ANKS1B: variants seen among roughly 807,000 people sequenced by gnomAD.
The protein encoded by ANKS1B is ankyrin repeat and sterile alpha motif domain-containing protein 1B.
In ANKS1B, 36 loss-of-function variants were observed where a neutral mutation model predicts 148.3. That is an observed-to-expected ratio of 0.24 (90% confidence interval 0.19 to 0.32). The LOEUF is 0.32. Ranked by LOEUF, ANKS1B falls within the 10% of genes least tolerant of loss-of-function variation. ANKS1B has a pLI of 1.00. For missense variants in ANKS1B, 1,157 were observed against 1,542.6 expected (o/e 0.75, Z 4.19); for synonymous variants, 542 against 560.8 (o/e 0.97, Z 0.47).
chr12:99,013,244 A>G (rs2099940500), intron 17 of ANKS1B, among the ~76,000 whole-genome samples: 1 of 152,244 alleles, frequency 6.6e-6, no homozygotes, highest in South Asian at 2.1e-4. Context: ...GAGTAGATAT[A>G]AACAATAATC....
chr12:98,784,249 G>A (rs895147877), intron 22 of ANKS1B, among the ~76,000 whole-genome samples: 2 of 152,218 alleles, frequency 1.3e-5, no homozygotes, highest in Non-Finnish European at 2.9e-5. Flanking sequence ...GAGTGGACAA[G>A]GTGGTTTAAG....
In ANKS1B at chr12:98,843,962, C is replaced by T. The variant is rs186630071; in HGVS notation, c.2779-11826G>A. ...ATATGAGAAGAGGAAATGTTGAAGA[C>T]GGGGGATCAGGGAGGGGAGCATTTG... On this transcript the variant is annotated intron_variant, in intron 17 of 26. Coordinates refer to ENST00000683438, the MANE Select transcript of ANKS1B (RefSeq NM_001352186.2). 4.6e-4 allele frequency among the ~76,000 whole-genome samples: 70 copies of T among 152,160 alleles called. 1 individual carries two copies. Among genetic ancestry groups the T allele is most frequent in the African/African-American group, 1.1e-3 (47 of 41,520 alleles).
intron 1 of ANKS1B, among the ~76,000 whole-genome samples, chr12:99,833,356 T>C (rs1358767413): frequency 2.0e-5 from 3 of 151,958 alleles, no homozygotes; most frequent in Non-Finnish European, 4.4e-5. Flanking sequence ...GTAAACAGAG[T>C]GAGAGTCAGG....
chr12:98,902,813 C>T (rs2099773915), intron 17 of ANKS1B, among the ~76,000 whole-genome samples: 1 of 152,204 alleles, frequency 6.6e-6, no homozygotes, highest in Non-Finnish European at 1.5e-5. Context: ...ATCAAGTTCA[C>T]CCTAGTACAA....
chr12:99,757,528 G>A (rs997368727), intron 8 of ANKS1B, among the ~76,000 whole-genome samples: 8 of 151,982 alleles, frequency 5.3e-5, no homozygotes, highest in South Asian at 2.1e-4. Flanking sequence ...AAGACAGTAC[G>A]GTGATTCCTC....
chr12:99,429,815 T>A (rs1594659293), intron 11 of ANKS1B, among the ~76,000 whole-genome samples: 1 of 151,418 alleles, frequency 6.6e-6, no homozygotes, highest in East Asian at 1.9e-4. Context: ...ATACAAAAAA[T>A]TAGCCGGGCG....
chr12:99,271,693 T>TATATATATATATATATATATATATATA (rs1566781275), intron 12 of ANKS1B, among the ~76,000 whole-genome samples: 1 of 143,482 alleles, frequency 7.0e-6, no homozygotes, highest in Non-Finnish European at 1.5e-5. Context: ...TATATATATA[T>TATATATATATATATATATATATATATA]TTACTAAATG....
chr12:98,863,238 CT>C (rs1249113336), intron 17 of ANKS1B, among the ~76,000 whole-genome samples: 1 of 152,150 alleles, frequency 6.6e-6, no homozygotes, highest in Non-Finnish European at 1.5e-5. Flanking sequence ...ACCATAATGA[CT>C]AATAAAGAGG....
At chr12:99,035,958 C>T (rs533099034) in intron 17 of ANKS1B, among the ~76,000 whole-genome samples, 16 of 152,302 alleles carry the variant, frequency 1.1e-4, no homozygotes, top group Admixed American at 9.8e-4. Flanking sequence ...AGGGCACATC[C>T]TGATGCAGAC....
intron 12 of ANKS1B, among the ~76,000 whole-genome samples, chr12:99,303,427 A>G (rs2081944657): frequency 6.6e-6 from 1 of 152,124 alleles, no homozygotes; most frequent in African/African-American, 2.4e-5. Flanking sequence ...TCTACTTAAA[A>G]CAAATATTTA....
chr12:99,670,439 T>G (rs2098531873), intron 8 of ANKS1B, among the ~76,000 whole-genome samples: 1 of 152,166 alleles, frequency 6.6e-6, no homozygotes, highest in African/African-American at 2.4e-5. Context: ...GTGCATAATT[T>G]CATTGCTACT....
chr12:98,969,117 G>A (rs889489221), intron 17 of ANKS1B, among the ~76,000 whole-genome samples: 4 of 152,308 alleles, frequency 2.6e-5, no homozygotes, highest in South Asian at 2.1e-4. Flanking sequence ...AGGAGCTGCC[G>A]CCTGGATGGG....
chr12:99,088,703 C>T (rs1320054463), intron 15 of ANKS1B, among the ~76,000 whole-genome samples: 19 of 152,072 alleles, frequency 1.2e-4, no homozygotes, highest in Admixed American at 1.2e-3. Context: ...AACTATCTAA[C>T]CATTTCTTTG....
chr12:99,300,848 A>G (rs76297835), intron 12 of ANKS1B, among the ~76,000 whole-genome samples: 2,538 of 152,282 alleles, frequency 0.017, 78 homozygotes, highest in African/African-American at 0.058. Flanking sequence ...AAAAAATTTA[A>G]AAGTGCTATT....
At chr12:99,840,111 A>G (rs2085473466) in intron 1 of ANKS1B, among the ~76,000 whole-genome samples, 2 of 152,158 alleles carry the variant, frequency 1.3e-5, no homozygotes, top group South Asian at 4.1e-4. Context: ...CAAACAATAT[A>G]CAAATGAATA....
chr12:99,963,043 G>A (rs189526748), intron 1 of ANKS1B, among the ~76,000 whole-genome samples: 99 of 152,248 alleles, frequency 6.5e-4, no homozygotes, highest in African/African-American at 2.2e-3. Flanking sequence ...TCGATCTCCT[G>A]ACCTCGTGAT....
intron 17 of ANKS1B, among the ~76,000 whole-genome samples, chr12:98,968,159 C>G (rs2099880132): frequency 6.6e-6 from 1 of 152,132 alleles, no homozygotes; most frequent in South Asian, 2.1e-4. Flanking sequence ...GGGCTGGGAT[C>G]TGGCAGTGAT....
At chr12:99,483,087 G>C (rs1443710379) in intron 10 of ANKS1B, among the ~76,000 whole-genome samples, 2 of 147,224 alleles carry the variant, frequency 1.4e-5, no homozygotes, top group African/African-American at 5.0e-5. Flanking sequence ...TTCTCGGTGG[G>C]GGGAATGCTT....
chr12:99,402,187 T>C (rs74767951), intron 11 of ANKS1B, among the ~76,000 whole-genome samples: 2,792 of 146,308 alleles, frequency 0.019, 492 homozygotes, highest in African/African-American at 0.068. Context: ...CTAATTCTCA[T>C]CAAATACAAT....
Sources: allele counts gnomAD v4.1 joint callset (sites outside exome capture counted in the v4.1 genomes callset), GRCh38; gene constraint gnomAD v4.1.1; transcripts MANE v1.5; gene names NCBI Gene and HGNC (gene_info 2026-07-23, HGNC 2026-07-21).